STK40: variants seen among roughly 807,000 people sequenced by gnomAD.
The protein encoded by STK40 is serine/threonine-protein kinase 40.
A neutral mutation model predicts 47.9 loss-of-function variants in STK40; 13 were observed. That is an observed-to-expected ratio of 0.27 (90% CI 0.18 to 0.43). STK40 has a LOEUF of 0.43. Among genes scored for constraint, STK40 ranks in the 20% least tolerant of loss-of-function variants. The probability of loss-of-function intolerance (pLI) is 1.00; values close to 1 mark genes in which losing one functional copy is unlikely to be tolerated. For synonymous variants in STK40, 225 were observed against 243.2 expected, an observed-to-expected ratio of 0.93 and a Z score of 0.69; for missense variants, 460 against 595.1, an observed-to-expected ratio of 0.77 and a Z score of 2.36.
At chr1:36,348,567 G>T in intron 7 of STK40, 133 bp downstream of exon 7, 1 of 715,502 alleles carries the variant, frequency 1.4e-6, no homozygotes. Context: ...TATGGGGAGG[G>T]ACAGTACTGG....
chr1:36,379,676 G>A lies in STK40; in HGVS notation c.-9+6047C>T, dbSNP rs922163049. ...ATTACAGGTGTGAGCCACCGCGCCCGGCCTGGGTTGTAGCCTCTTTAGGGA... is the reference window on the plus strand; with the variant it reads ...ATTACAGGTGTGAGCCACCGCGCCCAGCCTGGGTTGTAGCCTCTTTAGGGA... On this transcript the variant is annotated intron_variant, in intron 1 of 10. Transcript: ENST00000373132. Among the ~76,000 whole-genome samples, 34 of 152,002 alleles carry A rather than the reference G, an allele frequency of 2.2e-4. 1 individual carries two copies. Among genetic ancestry groups the A allele is most frequent in the African/African-American group, 7.3e-5 (3 of 41,366 alleles).
Position 36,348,785 on chromosome 1 carries a change from G to A in STK40, c.654C>T (p.Cys218=), listed in dbSNP as rs1434942499. ...CCTCGCTCACCAGATGCTTCCCGAG[G>A]CAGAAGTTGGTGATGGTTATCCGAT... is the stretch of plus-strand genomic sequence containing the variant. The part of the protein sequence containing the change: ...RTHRITITNF[C]LGKHLVSEGD... The change falls in exon 7 of 11, where the codon TGC becomes TGT. Residue 218 remains cysteine (C), a synonymous_variant. Coordinates refer to ENST00000373132, the MANE Select transcript of STK40 (RefSeq NM_001282547.2). 8 of 1,607,948 alleles carry A rather than the reference G, an allele frequency of 5.0e-6. No individual in the cohort carries two copies. Among genetic ancestry groups the A allele is most frequent in the Non-Finnish European group, 6.8e-6 (8 of 1,177,036 alleles).
chr1:36,381,943 C>G (rs556858398), intron 1 of STK40, among the ~76,000 whole-genome samples: 3 of 152,250 alleles, frequency 2.0e-5, no homozygotes, highest in East Asian at 3.9e-4. Context: ...GAGCCTGCCC[C>G]TAGATCACAA....
intron 1 of STK40, among the ~76,000 whole-genome samples, chr1:36,374,152 C>T (rs1036980056): frequency 6.6e-6 from 1 of 152,280 alleles, no homozygotes; most frequent in African/African-American, 2.4e-5. Flanking sequence ...CTCTAGTCTC[C>T]TCCAGGAAGC....
chr1:36,368,151 A>T (rs2124744954), intron 1 of STK40: 1 of 152,410 alleles, frequency 6.6e-6, no homozygotes, highest in South Asian at 2.1e-4. Flanking sequence ...ATATACCTAT[A>T]TTTTTTAAAA....
At chr1:36,347,645 GTTTTT>G (rs562523525) in intron 7 of STK40, among the ~76,000 whole-genome samples, 1 of 146,954 alleles carries the variant, frequency 6.8e-6, no homozygotes, top group African/African-American at 2.5e-5. Context: ...AACTTTATGA[GTTTTT>G]TTTTTTCTTT....
At chr1:36,363,281 G>A (rs577129487) in intron 1 of STK40, among the ~76,000 whole-genome samples, 6 of 152,178 alleles carry the variant, frequency 3.9e-5, no homozygotes, top group East Asian at 1.9e-4. Flanking sequence ...CAGCCTAGGG[G>A]ACACAGCAAG....
At chr1:36,372,277 A>G (rs1646954831) in intron 1 of STK40, among the ~76,000 whole-genome samples, 1 of 151,944 alleles carries the variant, frequency 6.6e-6, no homozygotes, top group Non-Finnish European at 1.5e-5. Context: ...TGAGCCCAGG[A>G]GTTCAAAGCT....
chr1:36,355,223 C>A lies in STK40; in HGVS notation c.553G>T (p.Val185Leu). Residue 185 changes from valine to leucine, a missense_variant, in exon 5 of 11, where the codon GTG becomes TTG. Coordinates refer to ENST00000373132, the MANE Select transcript of STK40 (RefSeq NM_001282547.2). ...VVIFYDVVRV[V>L]EALHQKNIVH... ...GGCCTCACCTGGTGCAGGGCCTCCA[C>A]CACGCGGACCACGTCGTAGAAGATT... 1.2e-6 allele frequency: 2 copies of A among 1,613,952 alleles called. No homozygotes were observed. The highest frequency in any genetic ancestry group is 1.7e-6 in the Non-Finnish European group (2 of 1,180,026).
chr1:36,363,085 A>T (rs1010519368), intron 1 of STK40, among the ~76,000 whole-genome samples: 10 of 152,204 alleles, frequency 6.6e-5, no homozygotes, highest in African/African-American at 2.4e-4. Flanking sequence ...AACCCAGGAC[A>T]CGGAGTCTAC....
chr1:36,358,875 C>A (rs1163771781), intron 2 of STK40, 53 bp from the exon 3 acceptor site: 2 of 1,600,586 alleles, frequency 1.2e-6, no homozygotes, highest in Non-Finnish European at 1.7e-6. Flanking sequence ...GCTGTCACGA[C>A]GCCAGGTCAC....
chr1:36,361,166 G>C (rs1646848981), intron 2 of STK40, 55 bp downstream of exon 2: 1 of 1,601,936 alleles, frequency 6.2e-7, no homozygotes, highest in Non-Finnish European at 8.5e-7. Flanking sequence ...GCGAGCCAAT[G>C]TGCCCTGCCC....
intron 1 of STK40, among the ~76,000 whole-genome samples, chr1:36,364,120 C>T (rs1646880234): frequency 6.6e-6 from 1 of 152,142 alleles, no homozygotes; most frequent in African/African-American, 2.4e-5. Context: ...CACTGTACTC[C>T]AGCCTGGGTG....
chr1:36,345,985 A>T (rs1338649970), intron 7 of STK40, among the ~76,000 whole-genome samples: 20 of 9,808 alleles, frequency 2.0e-3, no homozygotes, highest in South Asian at 6.5e-3. Context: ...ATATATATAT[A>T]TATATATTTT....
intron 6 of STK40, among the ~76,000 whole-genome samples, chr1:36,349,258 C>T (rs1646730387): frequency 6.6e-6 from 1 of 152,222 alleles, no homozygotes; most frequent in African/African-American, 2.4e-5. Flanking sequence ...AGTGACTCCA[C>T]CTTGGAAGGT....
Position 36,349,847 on chromosome 1 carries a change from CCT to C in STK40, c.624-1034_624-1033del, listed in dbSNP as rs1646735246. ...CTGGGGCAGGCAGTGAGGAAGGATG[CCT>C]CTCTACCCAACTGCCCTGCTCCTGT... On this transcript the variant is annotated intron_variant, in intron 6 of 10. Coordinates refer to ENST00000373132, the MANE Select transcript of STK40 (RefSeq NM_001282547.2). Among the ~76,000 whole-genome samples the C allele has an allele frequency of 3.3e-5, 5 of 152,300 alleles. No individual in the cohort carries two copies. In the South Asian group the frequency reaches 1.0e-3, roughly 32 times the overall value.
At chr1:36,354,336 T>C in intron 6 of STK40, 28 bp downstream of exon 6, 1 of 1,613,392 alleles carries the variant, frequency 6.2e-7, no homozygotes, top group South Asian at 1.1e-5. Flanking sequence ...CCGGGGTAAC[T>C]GTATGGATGT....
intron 9 of STK40, 59 bp downstream of exon 9, chr1:36,343,801 G>GGCCCT: frequency 6.6e-7 from 1 of 1,519,676 alleles, no homozygotes; most frequent in Non-Finnish European, 8.8e-7. Context: ...TTTCTGGGTA[G>GGCCCT]GATGGGCAGA....
At chr1:36,343,219 T>A (rs1456332689) in intron 10 of STK40, 145 bp downstream of exon 10, 1 of 920,368 alleles carries the variant, frequency 1.1e-6, no homozygotes. Context: ...GACTGAAGTC[T>A]CCCTTTCCCA....
Sources: gnomAD v4.1 joint callset for allele counts (sites outside exome capture counted in the v4.1 genomes callset) on GRCh38, gnomAD v4.1.1 for gene constraint, MANE v1.5 for transcripts, NCBI Gene and HGNC (gene_info 2026-07-23, HGNC 2026-07-21) for gene names.